The following PPEF1 variants were observed in gnomAD, a reference collection of about 807,000 sequenced individuals.
PPEF1 encodes the protein serine/threonine-protein phosphatase with EF-hands 1.
A neutral mutation model predicts 53.3 loss-of-function variants in PPEF1; 12 were observed. The observed-to-expected ratio is 0.23, with a 90% CI of 0.14 to 0.36. The LOEUF is 0.36. Among genes scored for constraint, PPEF1 ranks in the 10% least tolerant of loss-of-function variants. The pLI, the probability that PPEF1 is intolerant of heterozygous loss-of-function variation, is 1.00. For synonymous variants in PPEF1, 165 were observed against 176.7 expected (o/e 0.93, Z 0.52); for missense variants, 334 against 490.4 (o/e 0.68, Z 3.01).
At chrX:18,768,488 G>T (rs149574069) in intron 6 of PPEF1, among the ~76,000 whole-genome samples, 3,625 of 112,116 alleles carry the variant, frequency 0.032, 136 homozygotes, top group African/African-American at 0.11. Context: ...TCACTGAGAG[G>T]CCTCACCATA....
intron 1 of PPEF1, among the ~76,000 whole-genome samples, chrX:18,683,137 C>A (rs768017363): frequency 1.5e-3 from 162 of 111,646 alleles, no homozygotes; most frequent in African/African-American, 5.1e-3. Context: ...GTCCCTCCCA[C>A]GACACGTGGG....
intron 1 of PPEF1, among the ~76,000 whole-genome samples, chrX:18,717,089 A>G (rs1473365329): frequency 9.7e-5 from 6 of 61,999 alleles, no homozygotes; most frequent in African/African-American, 2.4e-4. Flanking sequence ...TTTGGTTTGT[A>G]TATATATATA....
At chrX:18,811,795 C>T (rs755569422) in intron 12 of PPEF1, among the ~76,000 whole-genome samples, 11 of 108,191 alleles carry the variant, frequency 1.0e-4, no homozygotes, top group Admixed American at 5.0e-4. Context: ...TTTGATGAAA[C>T]GGGATTTCAC....
At chrX:18,772,987 C>G (rs766492400) in intron 6 of PPEF1, among the ~76,000 whole-genome samples, 5 of 112,953 alleles carry the variant, frequency 4.4e-5, no homozygotes, top group Admixed American at 1.9e-4. Context: ...ATGCAGGAAG[C>G]TGCAGTGTCT....
At chrX:18,815,937 G>A (rs1396411372) in intron 12 of PPEF1, among the ~76,000 whole-genome samples, 2 of 98,214 alleles carry the variant, frequency 2.0e-5, no homozygotes, top group African/African-American at 7.4e-5. Context: ...TTTTGCTCTT[G>A]TTGCCCAGGC....
At chrX:18,727,083 A>G (rs1014989847) in intron 1 of PPEF1, among the ~76,000 whole-genome samples, 1 of 112,526 alleles carries the variant, frequency 8.9e-6, no homozygotes, top group African/African-American at 3.2e-5. Context: ...CAATAGCTCT[A>G]TGGAGGTTAA....
chrX:18,788,273 C>T (rs772603809), intron 9 of PPEF1, among the ~76,000 whole-genome samples: 1 of 93,598 alleles, frequency 1.1e-5, no homozygotes, highest in African/African-American at 4.3e-5. Flanking sequence ...CCACTGCACT[C>T]CAGCCTGGGG....
intron 1 of PPEF1, among the ~76,000 whole-genome samples, chrX:18,714,262 G>A (rs868161283): frequency 1.4e-5 from 1 of 71,752 alleles, no homozygotes; most frequent in Non-Finnish European, 2.6e-5. Flanking sequence ...TGGTAAGTTT[G>A]TTTTTCGTTT....
intron 9 of PPEF1, among the ~76,000 whole-genome samples, chrX:18,787,302 A>G (rs2046225408): frequency 1.8e-5 from 2 of 111,062 alleles, no homozygotes; most frequent in Admixed American, 1.9e-4. Context: ...AGGGGTTGGG[A>G]AGGGTTGGGG....
chrX:18,750,949 G>A (rs1192301759), intron 4 of PPEF1, among the ~76,000 whole-genome samples: 1 of 111,311 alleles, frequency 9.0e-6, no homozygotes, highest in Non-Finnish European at 1.9e-5. Flanking sequence ...ATGATGTTGA[G>A]CATCTTTTTA....
chrX:18,821,786 AGAGAGAGAGAGAGAGAG>A (rs1569273834), intron 13 of PPEF1, among the ~76,000 whole-genome samples: 3 of 103,595 alleles, frequency 2.9e-5, no homozygotes, highest in African/African-American at 7.1e-5. Context: ...AGAGAGAGAG[AGAGAGAGAGAGAGAGAG>A]AAAACAAATA....
chrX:18,689,220 A>G (rs998325418), intron 3 of PPEF1, among the ~76,000 whole-genome samples: 2 of 110,132 alleles, frequency 1.8e-5, no homozygotes, highest in African/African-American at 6.6e-5. Flanking sequence ...AAAAGCTATG[A>G]ATGAGGCCAG....
At chrX:18,795,826 T>C (rs951117502) in intron 10 of PPEF1, among the ~76,000 whole-genome samples, 30 of 112,362 alleles carry the variant, frequency 2.7e-4, no homozygotes, top group African/African-American at 9.4e-4. Context: ...AATAATTTGC[T>C]AAATGATGGG....
chrX:18,806,982 ATCTT>A (rs1159509337), intron 12 of PPEF1, among the ~76,000 whole-genome samples: 2 of 105,901 alleles, frequency 1.9e-5, no homozygotes, highest in Non-Finnish European at 3.9e-5. Flanking sequence ...CTTTAACATT[ATCTT>A]TCTAAGTGTT....
intron 3 of PPEF1, chrX:18,690,839 A>G (rs1929334132): frequency 8.9e-6 from 1 of 112,813 alleles, no homozygotes; most frequent in African/African-American, 3.2e-5. Context: ...CATGTCGTCC[A>G]CATTCCATTG....
At chrX:18,728,115 G>A (rs775916530) in intron 1 of PPEF1, among the ~76,000 whole-genome samples, 1 of 109,913 alleles carries the variant, frequency 9.1e-6, no homozygotes, top group Non-Finnish European at 1.9e-5. Flanking sequence ...TAACATACCC[G>A]ACATCACAAC....
At chrX:18,741,482 ATCT>A (rs1387454733) in intron 3 of PPEF1, among the ~76,000 whole-genome samples, 2 of 112,035 alleles carry the variant, frequency 1.8e-5, no homozygotes, top group African/African-American at 3.2e-5. Context: ...CAGTGGTTTA[ATCT>A]TCTTATAGAA....
At chrX:18,788,053 A>C (rs1356150507) in intron 9 of PPEF1, among the ~76,000 whole-genome samples, 1 of 112,169 alleles carries the variant, frequency 8.9e-6, no homozygotes, top group African/African-American at 3.2e-5. Context: ...GCAGTGGCTC[A>C]CGCCTGTAAT....
intron 10 of PPEF1, among the ~76,000 whole-genome samples, chrX:18,794,840 T>C (rs2046398953): frequency 8.9e-6 from 1 of 112,033 alleles, no homozygotes; most frequent in Non-Finnish European, 1.9e-5. Context: ...ATGCATCCAC[T>C]TGAAGTAGAG....
Sources: gnomAD v4.1 joint callset for allele counts (sites outside exome capture counted in the v4.1 genomes callset) on GRCh38, gnomAD v4.1.1 for gene constraint, MANE v1.5 for transcripts, NCBI Gene and HGNC (gene_info 2026-07-23, HGNC 2026-07-21) for gene names.